Variants in KCNH1 observed in about 807,000 individuals in gnomAD.
The protein encoded by KCNH1 is voltage-gated delayed rectifier potassium channel KCNH1.
Under a neutral mutation model 69.2 loss-of-function variants are expected in KCNH1, and 27 were observed. The observed-to-expected ratio is 0.39, with a 90% CI of 0.29 to 0.54. KCNH1 has a LOEUF of 0.54. Ranked by LOEUF, KCNH1 falls within the 20% of genes least tolerant of loss-of-function variation. KCNH1 has a pLI of 0.68. For synonymous variants in KCNH1, 456 were observed against 487.7 expected (o/e 0.93, Z 0.86); for missense variants, 798 against 1,261.6 (o/e 0.63, Z 5.57).
chr1:210,930,311 C>G (rs1434738028), intron 6 of KCNH1, among the ~76,000 whole-genome samples: 1 of 152,144 alleles, frequency 6.6e-6, no homozygotes, highest in African/African-American at 2.4e-5. Context: ...GTCACCAAAA[C>G]AGCATAGTAC....
chr1:211,078,431 G>C (rs1459063904), intron 5 of KCNH1, among the ~76,000 whole-genome samples: 1 of 152,182 alleles, frequency 6.6e-6, no homozygotes, highest in Non-Finnish European at 1.5e-5. Context: ...TTAGATCACA[G>C]TGCAATCAAA....
At chr1:211,096,215 C>A (rs990003038) in intron 3 of KCNH1, among the ~76,000 whole-genome samples, 1 of 152,090 alleles carries the variant, frequency 6.6e-6, no homozygotes, top group Non-Finnish European at 1.5e-5. Flanking sequence ...AGGTGCCCAC[C>A]ACCGCACCCG....
rs57669878 is a variant in KCNH1 at position 210,738,552 on chromosome 1, C to CTTT, written c.2112+36793_2112+36795dup. Among the ~76,000 whole-genome samples the CTTT allele has an allele frequency of 5.5e-4, 27 of 49,154 alleles. 1 individual carries two copies. The highest frequency in any genetic ancestry group is 8.6e-4 in the Admixed American group (3 of 3,502). 32.2% of individuals were successfully genotyped at this position (49,154 alleles called of 152,430 possible). On this transcript the variant is annotated intron_variant, in intron 10 of 10. Coordinates refer to ENST00000271751, the MANE Select transcript of KCNH1 (RefSeq NM_172362.3). ...CTGTATTCCTGGCTTGGCTTTTTTG[C>CTTT]TTTTTTTTTTTTTTTTTTTTTTTTT...
chr1:211,064,680 A>C (rs1690496346), intron 5 of KCNH1, among the ~76,000 whole-genome samples: 1 of 152,210 alleles, frequency 6.6e-6, no homozygotes, highest in South Asian at 2.1e-4. Flanking sequence ...TCAAGGAAAC[A>C]ATCAGCAAAG....
chr1:211,066,914 C>T (rs997686032), intron 5 of KCNH1, among the ~76,000 whole-genome samples: 3 of 152,166 alleles, frequency 2.0e-5, no homozygotes, highest in African/African-American at 7.2e-5. Context: ...GGAATACCCA[C>T]CCCCCAGGAC....
At chr1:211,122,203 G>A (rs1691699920) in intron 1 of KCNH1, among the ~76,000 whole-genome samples, 1 of 151,492 alleles carries the variant, frequency 6.6e-6, no homozygotes, top group East Asian at 1.9e-4. Flanking sequence ...AGACATTTAT[G>A]TAGCCAACAA....
intron 7 of KCNH1, among the ~76,000 whole-genome samples, chr1:210,905,967 G>T (rs1687094402): frequency 6.6e-6 from 1 of 152,298 alleles, no homozygotes; most frequent in South Asian, 2.1e-4. Context: ...CCAGCGTAAA[G>T]CCCTTACTCC....
At chr1:210,920,194 C>T (rs1010177282) in intron 6 of KCNH1, 125 bp from the exon 7 acceptor site, 7 of 789,614 alleles carry the variant, frequency 8.9e-6, no homozygotes, top group Admixed American at 5.9e-5. Flanking sequence ...TTATGCAACC[C>T]TTAAAAAAAG....
chr1:210,923,997 A>G (rs944054341), intron 6 of KCNH1, among the ~76,000 whole-genome samples: 33 of 152,356 alleles, frequency 2.2e-4, no homozygotes, highest in African/African-American at 7.7e-4. Context: ...AAGAGAAGAG[A>G]TGGATACAGA....
intron 6 of KCNH1, among the ~76,000 whole-genome samples, chr1:210,963,577 C>T (rs766741793): frequency 3.9e-5 from 6 of 151,992 alleles, no homozygotes; most frequent in Non-Finnish European, 7.4e-5. Context: ...CTAGAACAAC[C>T]AGTTTATAGA....
intron 1 of KCNH1, among the ~76,000 whole-genome samples, chr1:211,113,974 T>TCACACACA (rs371049407): frequency 2.1e-5 from 3 of 142,376 alleles, no homozygotes; most frequent in Admixed American, 6.9e-5. Flanking sequence ...TCTCTCTCTC[T>TCACACACA]CACACACACA....
chr1:210,789,569 T>C (rs763775261), intron 9 of KCNH1, among the ~76,000 whole-genome samples: 4 of 152,210 alleles, frequency 2.6e-5, no homozygotes, highest in Non-Finnish European at 5.9e-5. Context: ...CCAACAAATG[T>C]GAAATTTGAA....
chr1:211,009,550 G>A (rs191814567), intron 6 of KCNH1, among the ~76,000 whole-genome samples: 1 of 152,172 alleles, frequency 6.6e-6, no homozygotes, highest in East Asian at 1.9e-4. Flanking sequence ...CGTGGGGTGG[G>A]TGCAGGCCAC....
intron 1 of KCNH1, among the ~76,000 whole-genome samples, chr1:211,122,632 A>T (rs35835736): frequency 6.6e-6 from 1 of 152,168 alleles, no homozygotes; most frequent in African/African-American, 2.4e-5. Flanking sequence ...TACACCATGG[A>T]ATACTATCCA....
intron 6 of KCNH1, among the ~76,000 whole-genome samples, chr1:210,960,170 C>T (rs1688266919): frequency 6.6e-6 from 1 of 152,220 alleles, no homozygotes; most frequent in African/African-American, 2.4e-5. Context: ...AATGAATCCA[C>T]TATGCAGCCT....
intron 7 of KCNH1, among the ~76,000 whole-genome samples, chr1:210,814,354 T>C (rs1440729915): frequency 6.6e-6 from 1 of 152,206 alleles, no homozygotes; most frequent in African/African-American, 2.4e-5. Flanking sequence ...ACCTTGCACA[T>C]AATACATGCT....
intron 10 of KCNH1, among the ~76,000 whole-genome samples, chr1:210,698,358 G>C (rs922299209): frequency 6.6e-6 from 1 of 152,148 alleles, no homozygotes; most frequent in Non-Finnish European, 1.5e-5. Context: ...AAGAGCCAAG[G>C]GGTCTGGAGA....
intron 10 of KCNH1, among the ~76,000 whole-genome samples, chr1:210,751,098 T>C (rs1466308121): frequency 2.0e-5 from 3 of 152,044 alleles, no homozygotes; most frequent in African/African-American, 7.3e-5. Flanking sequence ...CATCTTTGAG[T>C]TGTGGTTCTA....
rs544880480 is a variant in KCNH1, at chr1:210,873,680, T to A, written c.1462+45960A>T. On this transcript the variant is annotated intron_variant, in intron 7 of 10. Coordinates refer to ENST00000271751, the MANE Select transcript of KCNH1 (RefSeq NM_172362.3). ...AGGCCCAGCCCTAGGGTTCCCATCT[T>A]ATGCCCCTGATTCAAAGACATAAAA... Among the ~76,000 whole-genome samples the A allele has an allele frequency of 1.8e-4, 28 of 152,230 alleles. 1 individual carries two copies. The South Asian group carries it at 5.4e-3, about 29-fold the overall frequency.
Sources: allele counts gnomAD v4.1 joint callset (sites outside exome capture counted in the v4.1 genomes callset), GRCh38; gene constraint gnomAD v4.1.1; transcripts MANE v1.5; gene names NCBI Gene and HGNC (gene_info 2026-07-23, HGNC 2026-07-21).